Variants in DIS3L2 observed in about 807,000 individuals in gnomAD.
DIS3L2 encodes DIS3-like exonuclease 2.
Under a neutral mutation model 97.5 loss-of-function variants are expected in DIS3L2, and 34 were observed. The observed-to-expected ratio is 0.35, with a 90% CI of 0.27 to 0.46. DIS3L2 has a LOEUF of 0.46. DIS3L2 is among the 20% of genes least tolerant of loss of function. The probability of loss-of-function intolerance (pLI) is 1.00; values close to 1 mark genes in which losing one functional copy is unlikely to be tolerated. For synonymous variants in DIS3L2, 435 were observed against 445.2 expected (o/e 0.98, Z 0.29); for missense variants, 1,038 against 1,146.0 (o/e 0.91, Z 1.36).
At chr2:232,038,204 A>G (rs991924887) in intron 5 of DIS3L2, among the ~76,000 whole-genome samples, 7 of 152,268 alleles carry the variant, frequency 4.6e-5, no homozygotes, top group East Asian at 3.9e-4. Flanking sequence ...ACCAGGTCCA[A>G]GAAGATAAGA....
downstream of DIS3L2, among the ~76,000 whole-genome samples, chr2:232,339,122 A>C (rs985356765): frequency 4.6e-4 from 70 of 152,218 alleles, no homozygotes; most frequent in Admixed American, 2.4e-3. Flanking sequence ...TGAAGCTCTC[A>C]AGAGTTTGCA....
intron 16 of DIS3L2, 79 bp from the exon 17 acceptor site, chr2:232,333,761 G>GC: frequency 3.9e-5 from 56 of 1,443,560 alleles, no homozygotes; most frequent in Admixed American, 2.4e-4. Flanking sequence ...CCGACGGTGA[G>GC]GCTGTGGGTG....
chr2:231,992,822 A>T (rs1023920382), intron 1 of DIS3L2, among the ~76,000 whole-genome samples: 5 of 152,006 alleles, frequency 3.3e-5, no homozygotes, highest in African/African-American at 9.7e-5. Context: ...TCTTGACATC[A>T]CACTCTTCCA....
At chr2:232,308,182 C>G (rs2106328105) in intron 14 of DIS3L2, among the ~76,000 whole-genome samples, 1 of 152,324 alleles carries the variant, frequency 6.6e-6, no homozygotes, top group Admixed American at 6.5e-5. Context: ...GTTATAAAGA[C>G]CTCGTAGTTT....
chr2:232,219,635 C>T (rs896696161), intron 10 of DIS3L2, among the ~76,000 whole-genome samples: 1 of 152,204 alleles, frequency 6.6e-6, no homozygotes, highest in Non-Finnish European at 1.5e-5. Flanking sequence ...TATGTTCATG[C>T]TGCTGTTACT....
intron 3 of DIS3L2, among the ~76,000 whole-genome samples, chr2:232,016,164 G>A (rs1459090778): frequency 6.6e-6 from 1 of 152,174 alleles, no homozygotes; most frequent in East Asian, 1.9e-4. Context: ...TGGAAAGGAA[G>A]CAGTAAACAA....
intron 5 of DIS3L2, among the ~76,000 whole-genome samples, chr2:232,082,710 C>A (rs906167400): frequency 1.3e-5 from 2 of 152,178 alleles, no homozygotes; most frequent in African/African-American, 4.8e-5. Context: ...AACACTAATT[C>A]TTCAGTATAA....
rs1217468938 is a variant in DIS3L2, at chr2:232,140,602, G to A, written c.950+3883G>A. 3.3e-5 allele frequency among the ~76,000 whole-genome samples: 5 copies of A among 152,206 alleles called. 1 individual carries two copies. The highest frequency in any genetic ancestry group is 5.9e-5 in the Non-Finnish European group (4 of 68,026). On this transcript the variant is annotated intron_variant, in intron 8 of 20. Transcript: ENST00000325385. ...GAGAACGCCAAATTGAGAAGGCACA[G>A]ATATTTAACAGAAGGATTGAATAGA...
intron 13 of DIS3L2, among the ~76,000 whole-genome samples, chr2:232,290,682 T>A (rs1415867342): frequency 1.3e-5 from 2 of 152,138 alleles, no homozygotes; most frequent in African/African-American, 4.8e-5. Context: ...TTAACCTTAA[T>A]GAGAACAGAG....
intron 1 of DIS3L2, among the ~76,000 whole-genome samples, chr2:231,984,584 G>A (rs1388815519): frequency 6.6e-6 from 1 of 151,092 alleles, no homozygotes; most frequent in Admixed American, 6.6e-5. Context: ...TAGTAGAGAC[G>A]GGGTTTCACC....
intron 8 of DIS3L2, among the ~76,000 whole-genome samples, chr2:232,141,032 A>G (rs569680549): frequency 5.3e-4 from 80 of 152,294 alleles, no homozygotes; most frequent in South Asian, 1.4e-3. Flanking sequence ...GTCCAGGATA[A>G]TTAAAAAGCC....
intron 14 of DIS3L2, among the ~76,000 whole-genome samples, chr2:232,321,722 C>T (rs1183534379): frequency 6.6e-6 from 1 of 152,196 alleles, no homozygotes; most frequent in Non-Finnish European, 1.5e-5. Flanking sequence ...TCAGGGAGGC[C>T]GTGGCGCGGG....
Position 232,269,936 on chromosome 2 carries a change from G to A in DIS3L2, c.1659+6496G>A, listed in dbSNP as rs986892054. ...ATAATCCAAGAGAGAAATGATGAGG[G>A]CCTAACCTGAGGTAGGGACCGTGGG... On this transcript the variant is annotated intron_variant, in intron 13 of 20. Coordinates refer to ENST00000325385, the MANE Select transcript of DIS3L2 (RefSeq NM_152383.5). The surrounding 1 kb of genome is among the most constrained non-coding windows in gnomAD (Gnocchi z 4.5). Among the ~76,000 whole-genome samples the A allele has an allele frequency of 7.9e-5, 12 of 152,164 alleles. No individual in the cohort carries two copies. The highest frequency in any genetic ancestry group is 2.9e-4 in the African/African-American group (12 of 41,428).
intron 13 of DIS3L2, among the ~76,000 whole-genome samples, chr2:232,278,682 A>G (rs1403351194): frequency 1.3e-5 from 2 of 152,332 alleles, no homozygotes; most frequent in Non-Finnish European, 1.5e-5. Flanking sequence ...ATTCTGTTGT[A>G]TAGATATACC....
chr2:232,333,982 C>T lies in DIS3L2; in HGVS notation c.2153C>T (p.Ala718Val), dbSNP rs1378940492. Residue 718 changes from alanine (A) to valine (V), a missense_variant, in exon 17 of 21, where the codon GCG becomes GTG. Ala to Val is a moderately conservative substitution (Grantham distance 64, BLOSUM62 0). Coordinates refer to ENST00000325385, the MANE Select transcript of DIS3L2 (RefSeq NM_152383.5). ...DVLVHRLLAA[A>V]LGYRERLDMA... is the part of the protein sequence containing the mutation. ...CTGGTGCACCGCCTCCTGGCTGCCG[C>T]GTTAGGTGAGGGGTGCAGTCGGGGT... is the stretch of plus-strand genomic sequence containing the variant. The T allele has an allele frequency of 5.6e-6, 9 of 1,607,954 alleles. No individual in the cohort carries two copies. Among genetic ancestry groups the T allele is most frequent in the East Asian group, 4.5e-5 (2 of 44,664 alleles).
chr2:232,269,436 T>C lies in DIS3L2; in HGVS notation c.1659+5996T>C, dbSNP rs536516738. ...AAGCTATTGATCACAGGGTTGAGTA[T>C]ATTTGTAGAATCATTCTGTTTTCTT... On this transcript the variant is annotated intron_variant, in intron 13 of 20. Transcript: ENST00000325385. This position sits in a 1 kb window ranked among gnomAD's most constrained non-coding sequence, Gnocchi z 4.5. 9.8e-5 allele frequency among the ~76,000 whole-genome samples: 15 copies of C among 152,336 alleles called. No individual in the cohort carries two copies. In the South Asian group the frequency reaches 2.3e-3, roughly 23 times the overall value.
rs559594789 is a variant in DIS3L2 at position 232,269,957 on chromosome 2, G to T, written c.1659+6517G>T. ...GAGGGCCTAACCTGAGGTAGGGACC[G>T]TGGGGTGAGAGAAGATGATGGACCG... On this transcript the variant is annotated intron_variant, in intron 13 of 20. Transcript: ENST00000325385. The surrounding 1 kb of genome is among the most constrained non-coding windows in gnomAD (Gnocchi z 4.5). Among the ~76,000 whole-genome samples the T allele has an allele frequency of 6.6e-6, 1 of 152,162 alleles. No homozygotes were observed. Among genetic ancestry groups the T allele is most frequent in the African/African-American group, 2.4e-5 (1 of 41,432 alleles).
At chr2:232,333,284 TCCACCTCTGCCATCGCCA>T in intron 16 of DIS3L2, among the ~76,000 whole-genome samples, 1 of 139,920 alleles carries the variant, frequency 7.1e-6, no homozygotes, top group Non-Finnish European at 1.5e-5. Flanking sequence ...CTCCTCTGCC[TCCACCTCTGCCATCGCCA>T]CCTCCTCCTC....
intron 1 of DIS3L2, among the ~76,000 whole-genome samples, chr2:232,009,935 T>TG (rs1222593061): frequency 6.6e-6 from 1 of 152,176 alleles, no homozygotes; most frequent in Non-Finnish European, 1.5e-5. Context: ...ACAACACCTA[T>TG]GGGCATGGAA....
Sources: allele counts gnomAD v4.1 joint callset (sites outside exome capture counted in the v4.1 genomes callset), GRCh38; gene constraint gnomAD v4.1.1; non-coding constraint Gnocchi (gnomAD v3.1); transcripts MANE v1.5; gene names NCBI Gene and HGNC (gene_info 2026-07-23, HGNC 2026-07-21).